Variants in DUSP4 observed in about 807,000 individuals in gnomAD.
DUSP4 encodes dual specificity protein phosphatase 4.
DUSP4 carries 12 observed loss-of-function variants against 27.2 expected under a neutral mutation model. That is an observed-to-expected ratio of 0.44 (90% CI 0.28 to 0.71). The LOEUF is 0.71. DUSP4 is among the 30% of genes least tolerant of loss of function. The pLI is 0.14. For missense variants in DUSP4, 448 were observed against 551.3 expected (o/e 0.81, Z 1.88); for synonymous variants, 257 against 245.2 (o/e 1.05, Z -0.45).
At position 29,350,141 on chromosome 8, in the gene DUSP4, C is replaced by T; in HGVS notation, c.138G>A (p.Leu46=). 6.2e-7 allele frequency: 1 copy of T among 1,609,418 alleles called. No homozygotes were observed. Among genetic ancestry groups the T allele is most frequent in the Non-Finnish European group, 8.5e-7 (1 of 1,179,240 alleles). The change falls in exon 1 of 4, where the codon CTG becomes CTA. Residue 46 remains leucine, a synonymous_variant. Coordinates refer to ENST00000240100, the MANE Select transcript of DUSP4 (RefSeq NM_001394.7). The part of the protein sequence containing the change: ...TLGLPSGGKC[L]LLDCRPFLAH... The stretch of plus-strand genomic sequence containing the variant: ...CCAGGAACGGTCTGCAGTCCAGCAG[C>T]AGGCACTTGCCGCCGCTCGGCAGCC...
intron 1 of DUSP4, chr8:29,348,177 G>A: frequency 4.1e-6 from 4 of 985,608 alleles, no homozygotes; most frequent in Non-Finnish European, 4.8e-6. Context: ...AGGAAGGCGC[G>A]CCCGCGCTCT....
At position 29,336,891 on chromosome 8, in the gene DUSP4, G is replaced by T; in HGVS notation, c.*135C>A. ...TATTGCCATTCTGGCTGGCCTCGTCGTTGGCCAAGGAGAAATGATGGGGAA... is the reference window on the plus strand; with the variant it reads ...TATTGCCATTCTGGCTGGCCTCGTCTTTGGCCAAGGAGAAATGATGGGGAA... On this transcript the variant is annotated 3_prime_UTR_variant, in exon 4 of 4. Coordinates refer to ENST00000240100, the MANE Select transcript of DUSP4 (RefSeq NM_001394.7). 7.6e-7 allele frequency: 1 copy of T among 1,318,834 alleles called. No homozygotes were observed. The highest frequency in any genetic ancestry group is 1.0e-6 in the Non-Finnish European group (1 of 996,392). 81.7% of individuals were successfully genotyped at this position (1,318,834 alleles called of 1,614,324 possible). A position where few individuals can be genotyped will look rare whatever the true frequency, so the allele number is the denominator to read the frequency against.
rs762297658 is a variant in DUSP4, at chr8:29,349,910, G to T, written c.369C>A (p.Thr123=). 7 of 1,571,550 alleles carry T rather than the reference G, an allele frequency of 4.5e-6. No homozygotes were observed. The East Asian group carries it at 1.1e-4, about 26-fold the overall frequency. ...GCAGCGCCTGCACCACCAGCGACAC[G>T]GTGCTGTCCTCGCGGAGGCTCTCGG... ...PRAESLREDS[T]VSLVVQALRR... Residue 123 remains threonine, a synonymous_variant, in exon 1 of 4, where the codon ACC becomes ACA. Coordinates refer to ENST00000240100, the MANE Select transcript of DUSP4 (RefSeq NM_001394.7).
rs1268514104 is a variant in DUSP4 at position 29,336,179 on chromosome 8, G to C, written c.*847C>G. On this transcript the variant is annotated 3_prime_UTR_variant, in exon 4 of 4. Transcript: ENST00000240100. Reference sequence around the variant, plus strand: ...CCGCCTGCTTCTCAAGATGAGCCTTGGCAACATAGTGAGATGCTGTCTTTT... The same window carrying C: ...CCGCCTGCTTCTCAAGATGAGCCTTCGCAACATAGTGAGATGCTGTCTTTT... The C allele has an allele frequency of 7.2e-6, 1 of 139,784 alleles. No homozygotes were observed. The highest frequency in any genetic ancestry group is 1.5e-5 in the Non-Finnish European group (1 of 65,724). The allele number at this position is 139,784 out of a possible 1,614,324, so 8.7% of individuals were successfully genotyped here.
chr8:29,337,173 G>A lies in DUSP4; in HGVS notation c.1038C>T (p.Pro346=), dbSNP rs1446620374. 4 of 1,612,324 alleles carry A rather than the reference G, an allele frequency of 2.5e-6. No individual in the cohort carries two copies. Among genetic ancestry groups the A allele is most frequent in the Non-Finnish European group, 3.4e-6 (4 of 1,179,364 alleles). The change falls in exon 4 of 4, where the codon CCC becomes CCT. Residue 346 remains proline, a synonymous_variant. Transcript: ENST00000240100. The surrounding 1 kb of genome is among the most constrained non-coding windows in gnomAD (Gnocchi z 6.4). ...TGCCCCGCTCCCGCAGGGGTCCCGAGGGGCTAGCAGCCTCCGCAGCACAGG... is the reference window on the plus strand; with the variant it reads ...TGCCCCGCTCCCGCAGGGGTCCCGAAGGGCTAGCAGCCTCCGCAGCACAGG... ...ATSCAAEAAS[P]SGPLRERGKT...
At chr8:29,344,830 T>A (rs943599025) in intron 1 of DUSP4, among the ~76,000 whole-genome samples, 1 of 150,666 alleles carries the variant, frequency 6.6e-6, no homozygotes, top group Non-Finnish European at 1.5e-5. Flanking sequence ...TGGTCATGGA[T>A]CTTTTTTTTT....
intron 1 of DUSP4, chr8:29,348,520 G>C: frequency 1.0e-6 from 1 of 985,534 alleles, no homozygotes; most frequent in Non-Finnish European, 1.2e-6. Flanking sequence ...TTCAACCAAA[G>C]GTCAACAGCA....
intron 2 of DUSP4, among the ~76,000 whole-genome samples, chr8:29,339,883 G>A (rs1563860785): frequency 6.8e-6 from 1 of 147,908 alleles, no homozygotes; most frequent in East Asian, 2.0e-4. Flanking sequence ...GCATGGTAGT[G>A]CCACCTGTAG....
At chr8:29,348,593 C>T (rs1040514078) in intron 1 of DUSP4, 2 of 985,438 alleles carry the variant, frequency 2.0e-6, no homozygotes, top group African/African-American at 3.5e-5. Context: ...CAAAGCCCCC[C>T]GCTGTCCGGC....
chr8:29,336,395 C>T lies in DUSP4; in HGVS notation c.*631G>A, dbSNP rs1437046356. On this transcript the variant is annotated 3_prime_UTR_variant, in exon 4 of 4. Coordinates refer to ENST00000240100, the MANE Select transcript of DUSP4 (RefSeq NM_001394.7). The stretch of plus-strand genomic sequence containing the variant: ...CATGCTACGGTGCTCAGCTGTTTGA[C>T]ATCAACATAAATATATTCTAAATCC... 2 of 152,262 alleles carry T rather than the reference C, an allele frequency of 1.3e-5. No homozygotes were observed. The highest frequency in any genetic ancestry group is 2.4e-5 in the African/African-American group (1 of 41,436). The allele number at this position is 152,262 out of a possible 1,614,324, so 9.4% of individuals were successfully genotyped here. A position where few individuals can be genotyped will look rare whatever the true frequency, so the allele number is the denominator to read the frequency against.
chr8:29,345,621 T>A (rs200090132), intron 1 of DUSP4: 1 of 883,288 alleles, frequency 1.1e-6, no homozygotes, highest in South Asian at 2.8e-5. Context: ...AAGGAATTTC[T>A]TGGCTCGGGA....
At chr8:29,344,528 G>T (rs1052744472) in intron 1 of DUSP4, among the ~76,000 whole-genome samples, 2 of 151,710 alleles carry the variant, frequency 1.3e-5, no homozygotes, top group Non-Finnish European at 2.9e-5. Flanking sequence ...TGAAAGTCTG[G>T]AAGAAAAAAA....
chr8:29,347,783 C>T (rs1382252694), intron 1 of DUSP4: 5 of 985,414 alleles, frequency 5.1e-6, no homozygotes, highest in Non-Finnish European at 6.0e-6. Context: ...AGAGGGCTGT[C>T]ATTTTACCTA....
In DUSP4 at chr8:29,338,454, G is replaced by A. The variant is rs2230514; in HGVS notation, c.627C>T (p.Tyr209=). 3.6e-4 allele frequency: 582 copies of A among 1,614,142 alleles called. 4 individuals carry two copies. In the African/African-American group the frequency reaches 5.7e-3, roughly 16 times the overall value. ...ILPFLYLGSA[Y]HAARRDMLDA... is the part of the protein sequence containing the mutation. ...CCAGCATGTCTCTCCGGGCAGCATGGTAGGCACTGCCGAGGTAGAGGAAGG... is the reference window on the plus strand; with the variant it reads ...CCAGCATGTCTCTCCGGGCAGCATGATAGGCACTGCCGAGGTAGAGGAAGG... The change falls in exon 3 of 4, where the codon TAC becomes TAT. Residue 209 remains tyrosine, a synonymous_variant. Transcript: ENST00000240100.
At chr8:29,348,551 A>G (rs920554331) in intron 1 of DUSP4, 85 of 985,564 alleles carry the variant, frequency 8.6e-5, no homozygotes, top group Admixed American at 1.2e-4. Context: ...AGCAGCTGAC[A>G]GGTCAAATGG....
Position 29,337,517 on chromosome 8 carries a change from C to G in DUSP4, c.800-106G>C. The G allele has an allele frequency of 1.4e-6, 2 of 1,447,056 alleles. No homozygotes were observed. Among genetic ancestry groups the G allele is most frequent in the Non-Finnish European group, 1.8e-6 (2 of 1,091,082 alleles). 89.6% of individuals were successfully genotyped at this position (1,447,056 alleles called of 1,614,324 possible). On this transcript the variant is annotated intron_variant, in intron 3 of 3. Coordinates refer to ENST00000240100, the MANE Select transcript of DUSP4 (RefSeq NM_001394.7). The surrounding 1 kb of genome is among the most constrained non-coding windows in gnomAD (Gnocchi z 6.4). ...CGGGGGGCTCTGAAGGAAGGACTAG[C>G]CGTGCTAGACCAAGGACTGGAGAGG... is the stretch of plus-strand genomic sequence containing the variant.
Position 29,350,437 on chromosome 8 carries a change from C to T in DUSP4, c.-159G>A. ...CTCCCGCGGGAGAGCCTCTTCTTCCCTGTCCCCTTCCTCCCGCAGCCTCGC... is the reference window on the plus strand; with the variant it reads ...CTCCCGCGGGAGAGCCTCTTCTTCCTTGTCCCCTTCCTCCCGCAGCCTCGC... On this transcript the variant is annotated 5_prime_UTR_variant, in exon 1 of 4. Transcript: ENST00000240100. 5 of 843,510 alleles carry T rather than the reference C, an allele frequency of 5.9e-6. No homozygotes were observed. Among genetic ancestry groups the T allele is most frequent in the South Asian group, 2.0e-5 (1 of 49,814 alleles). The allele number at this position is 843,510 out of a possible 1,614,324, so 52.3% of individuals were successfully genotyped here.
At chr8:29,348,651 T>G (rs1817773760) in intron 1 of DUSP4, 3 of 985,400 alleles carry the variant, frequency 3.0e-6, no homozygotes, top group Non-Finnish European at 3.6e-6. Context: ...TTGTGCTTTT[T>G]GGAGGGGAGA....
intron 1 of DUSP4, chr8:29,347,942 T>C (rs2117277010): frequency 2.0e-6 from 2 of 985,370 alleles, no homozygotes; most frequent in South Asian, 9.4e-5. Flanking sequence ...TGGGGATAAA[T>C]CTTAAAAAAT....
Sources: gnomAD v4.1 joint callset for allele counts (sites outside exome capture counted in the v4.1 genomes callset) on GRCh38, gnomAD v4.1.1 for gene constraint, Gnocchi (gnomAD v3.1) non-coding constraint, MANE v1.5 for transcripts, NCBI Gene and HGNC (gene_info 2026-07-23, HGNC 2026-07-21) for gene names.